ADGRV1: variants seen among roughly 807,000 people sequenced by gnomAD.
ADGRV1 encodes G-protein coupled receptor 98.
In ADGRV1, 359 loss-of-function variants were observed where a neutral mutation model predicts 596.2. That is an observed-to-expected ratio of 0.60 (90% CI 0.55 to 0.66). ADGRV1 has a LOEUF of 0.66. Ranked by LOEUF, ADGRV1 falls within the 30% of genes least tolerant of loss-of-function variation. ADGRV1 has a pLI of 0.00. For missense variants in ADGRV1, 7,274 were observed against 7,575.6 expected, an observed-to-expected ratio of 0.96 and a Z score of 1.48; for synonymous variants, 2,681 against 2,679.2, an observed-to-expected ratio of 1.00 and a Z score of -0.02.
intron 85 of ADGRV1, among the ~76,000 whole-genome samples, chr5:91,029,927 AT>A (rs2151222298): frequency 6.6e-6 from 1 of 152,172 alleles, no homozygotes; most frequent in East Asian, 1.9e-4. Flanking sequence ...TTAAAGTTTT[AT>A]TTTTTACACT....
At chr5:90,580,944 T>C (rs1426808581) in intron 1 of ADGRV1, among the ~76,000 whole-genome samples, 2 of 151,810 alleles carry the variant, frequency 1.3e-5, no homozygotes, top group African/African-American at 4.8e-5. Context: ...GAAGGCTTTG[T>C]TCGTTTTATT....
At chr5:91,116,520 A>G (rs1792864083) in intron 87 of ADGRV1, among the ~76,000 whole-genome samples, 1 of 152,174 alleles carries the variant, frequency 6.6e-6, no homozygotes, top group South Asian at 2.1e-4. Flanking sequence ...TACTTCACAT[A>G]GTGTATCATT....
intron 67 of ADGRV1, 31 bp downstream of exon 67, chr5:90,784,088 T>C (rs1006443893): frequency 7.1e-7 from 1 of 1,413,734 alleles, no homozygotes; most frequent in African/African-American, 1.4e-5. Flanking sequence ...ACTTTAAATA[T>C]AATTTTTGAT....
chr5:90,923,217 C>T lies in ADGRV1; in HGVS notation c.17857-42198C>T, dbSNP rs377750175. Among the ~76,000 whole-genome samples the T allele has an allele frequency of 1.1e-4, 16 of 152,188 alleles. No individual in the cohort carries two copies. The East Asian group carries it at 1.7e-3, about 17-fold the overall frequency. On this transcript the variant is annotated intron_variant, in intron 83 of 89. Coordinates refer to ENST00000405460, the MANE Select transcript of ADGRV1 (RefSeq NM_032119.4). The stretch of plus-strand genomic sequence containing the variant: ...TTTATGATTATAATTTTTCATTATG[C>T]TGCTAAAGGAACCATTAGCTAAAAG...
intron 85 of ADGRV1, among the ~76,000 whole-genome samples, chr5:91,000,832 GA>G (rs550141935): frequency 6.0e-5 from 9 of 149,856 alleles, no homozygotes; most frequent in Non-Finnish European, 1.0e-4. Flanking sequence ...ACAAGGGCAG[GA>G]AAAAAAAATG....
intron 86 of ADGRV1, among the ~76,000 whole-genome samples, chr5:91,074,161 A>G (rs1464708616): frequency 6.6e-6 from 1 of 152,102 alleles, no homozygotes; most frequent in Admixed American, 6.6e-5. Context: ...TTAAAAATGT[A>G]ACTTCTTTCT....
intron 11 of ADGRV1, among the ~76,000 whole-genome samples, chr5:90,638,519 A>G (rs1766542709): frequency 1.3e-5 from 2 of 149,322 alleles, no homozygotes; most frequent in South Asian, 4.2e-4. Context: ...TATTAAGAAA[A>G]CTTCACAATC....
intron 4 of ADGRV1, among the ~76,000 whole-genome samples, chr5:90,620,050 G>A (rs1476657937): frequency 9.2e-5 from 14 of 151,614 alleles, no homozygotes; most frequent in Admixed American, 2.6e-4. Context: ...GAATAGTGCC[G>A]CAATAAAAAT....
At chr5:90,844,728 T>A (rs1765716847) in intron 78 of ADGRV1, among the ~76,000 whole-genome samples, 1 of 152,130 alleles carries the variant, frequency 6.6e-6, no homozygotes, top group African/African-American at 2.4e-5. Flanking sequence ...AGCACAGGAA[T>A]AATTAGTTCT....
chr5:90,757,407 G>A (rs2149985837), intron 57 of ADGRV1, among the ~76,000 whole-genome samples: 1 of 152,258 alleles, frequency 6.6e-6, no homozygotes, highest in East Asian at 1.9e-4. Flanking sequence ...ATAAATAGAA[G>A]TTACAAAACA....
intron 17 of ADGRV1, 84 bp from the exon 18 acceptor site, chr5:90,651,520 G>A (rs1258301059): frequency 8.4e-7 from 1 of 1,185,192 alleles, no homozygotes; most frequent in Admixed American, 3.0e-5. Context: ...CAACTTAATT[G>A]TAAACTTTCT....
At chr5:90,589,120 A>AT (rs1759150866) in intron 1 of ADGRV1, among the ~76,000 whole-genome samples, 1 of 152,198 alleles carries the variant, frequency 6.6e-6, no homozygotes, top group African/African-American at 2.4e-5. Flanking sequence ...GACAATTATC[A>AT]TGATAGAAAG....
At chr5:90,608,882 G>A (rs1762411858) in intron 1 of ADGRV1, among the ~76,000 whole-genome samples, 1 of 152,082 alleles carries the variant, frequency 6.6e-6, no homozygotes, top group African/African-American at 2.4e-5. Context: ...TGTGGTCTAG[G>A]AAAGTGCAAG....
chr5:90,705,989 T>G (rs1453337318), intron 37 of ADGRV1, among the ~76,000 whole-genome samples: 4 of 152,146 alleles, frequency 2.6e-5, no homozygotes, highest in African/African-American at 4.8e-5. Flanking sequence ...CCTTGTTCTA[T>G]TGGCCAAAAC....
intron 85 of ADGRV1, among the ~76,000 whole-genome samples, chr5:91,031,739 A>G (rs990623898): frequency 1.6e-4 from 25 of 152,300 alleles, no homozygotes; most frequent in African/African-American, 5.8e-4. Context: ...AAAGATTGTT[A>G]GTATCTTTTC....
intron 70 of ADGRV1, chr5:90,793,199 C>T (rs754184404): frequency 6.6e-6 from 1 of 152,056 alleles, no homozygotes; most frequent in Non-Finnish European, 1.5e-5. Context: ...CTAAACAGTA[C>T]AAAAATGGAA....
chr5:90,608,949 C>T (rs745441625), intron 1 of ADGRV1, among the ~76,000 whole-genome samples: 6 of 152,024 alleles, frequency 3.9e-5, no homozygotes, highest in Non-Finnish European at 5.9e-5. Context: ...TAGTGAAAGT[C>T]AATGGAAACT....
intron 50 of ADGRV1, among the ~76,000 whole-genome samples, chr5:90,744,530 A>G (rs953300142): frequency 2.6e-5 from 4 of 152,152 alleles, no homozygotes; most frequent in African/African-American, 4.8e-5. Flanking sequence ...TATATTATCT[A>G]TGCACTGAAA....
chr5:90,696,765 GAT>G (rs758753886), intron 33 of ADGRV1, among the ~76,000 whole-genome samples, 170 bp from the exon 34 acceptor site: 13 of 149,798 alleles, frequency 8.7e-5, no homozygotes, highest in Non-Finnish European at 1.2e-4. Flanking sequence ...TATGTGAAAA[GAT>G]ATATATATAT....
Sources: gnomAD v4.1 joint callset for allele counts (sites outside exome capture counted in the v4.1 genomes callset) on GRCh38, gnomAD v4.1.1 for gene constraint, MANE v1.5 for transcripts, NCBI Gene and HGNC (gene_info 2026-07-23, HGNC 2026-07-21) for gene names.